The following COL12A1 variants were observed in gnomAD, a reference collection of about 807,000 sequenced individuals.
COL12A1 encodes the protein collagen alpha-1(XII) chain.
A neutral mutation model predicts 349.7 loss-of-function variants in COL12A1; 114 were observed. That is an observed-to-expected ratio of 0.33 (90% CI 0.28 to 0.38). The LOEUF (loss-of-function observed/expected upper bound fraction) is 0.38. Among genes scored for constraint, COL12A1 ranks in the 10% least tolerant of loss-of-function variants. The pLI is 1.00. For missense variants in COL12A1, 3,284 were observed against 3,756.9 expected, an observed-to-expected ratio of 0.87 and a Z score of 3.29; for synonymous variants, 1,369 against 1,329.0, an observed-to-expected ratio of 1.03 and a Z score of -0.66.
At position 75,175,082 on chromosome 6, in the gene COL12A1, G is replaced by T; in HGVS notation, c.2666C>A (p.Ser889Tyr). 1 of 1,614,146 alleles carries T rather than the reference G, an allele frequency of 6.2e-7. No homozygotes were observed. Among genetic ancestry groups the T allele is most frequent in the Non-Finnish European group, 8.5e-7 (1 of 1,180,032 alleles). The change falls in exon 13 of 66, where the codon TCT (serine) becomes TAT (tyrosine). Residue 889 changes from serine (S) to tyrosine (Y), a missense_variant. Transcript: ENST00000322507. ...ACCAAAGAGGGCGTCTCCAGCCCCA[G>T]ACGCATACAAGGCTGTCACAGATAA... ...YALSVTALYASGAGDALFGEG... is the reference protein window; with the variant it reads ...YALSVTALYAYGAGDALFGEG...
chr6:75,154,239 C>A (rs2149420639), intron 17 of COL12A1, among the ~76,000 whole-genome samples, 177 bp downstream of exon 17: 1 of 151,820 alleles, frequency 6.6e-6, no homozygotes, highest in African/African-American at 2.4e-5. Context: ...AAAATACTGT[C>A]AAAAAGCATG....
At chr6:75,134,698 A>G in intron 32 of COL12A1, 28 bp downstream of exon 32, 1 of 1,549,608 alleles carries the variant, frequency 6.5e-7, no homozygotes, top group South Asian at 1.3e-5. Context: ...GCTATTAAAG[A>G]AGCTATAGGA....
At chr6:75,174,781 T>A (rs774159369) in intron 13 of COL12A1, among the ~76,000 whole-genome samples, 1 of 152,202 alleles carries the variant, frequency 6.6e-6, no homozygotes, top group Non-Finnish European at 1.5e-5. Flanking sequence ...CCCATGGAAC[T>A]ATAAACACAT....
rs534714811 is a variant in COL12A1, at chr6:75,170,892, G to A, written c.2710+4146C>T. Among the ~76,000 whole-genome samples, 5 of 152,260 alleles carry A rather than the reference G, an allele frequency of 3.3e-5. No individual in the cohort carries two copies. The South Asian group carries it at 1.0e-3, about 32-fold the overall frequency. ...TGAATACACTTGGTTTGATCTGTAG[G>A]AAGCCATTCATATCCAGGACATTAG... On this transcript the variant is annotated intron_variant, in intron 13 of 65. Transcript: ENST00000322507.
intron 46 of COL12A1, 186 bp from the exon 47 acceptor site, chr6:75,117,732 C>G: frequency 1.9e-6 from 1 of 536,306 alleles, no homozygotes; most frequent in South Asian, 3.2e-5. Context: ...ATTTTCTGGT[C>G]TAAAGAATTC....
In COL12A1 at chr6:75,189,287, T is replaced by C; in HGVS notation, c.753A>G (p.Gly251=). The C allele has an allele frequency of 6.2e-7, 1 of 1,613,194 alleles. No homozygotes were observed. The highest frequency in any genetic ancestry group is 8.5e-7 in the Non-Finnish European group (1 of 1,179,464). The change falls in exon 7 of 66, where the codon GGA becomes GGG. Residue 251 remains glycine, a synonymous_variant. Coordinates refer to ENST00000322507, the MANE Select transcript of COL12A1 (RefSeq NM_004370.6). ...GAATTTCCACTTCATCCTGGGATTT[T>C]CCATCCGTAATAATAATTGCCACTT... The part of the protein sequence containing the change: ...FPKVAIIITD[G]KSQDEVEIPA...
intron 37 of COL12A1, among the ~76,000 whole-genome samples, 157 bp from the exon 38 acceptor site, chr6:75,128,582 T>G (rs1766137269): frequency 3.3e-5 from 5 of 152,192 alleles, no homozygotes. Context: ...CTATCTTCAC[T>G]TCTTCTCTGC....
At chr6:75,136,748 G>T (rs867116255) in intron 31 of COL12A1, among the ~76,000 whole-genome samples, 1 of 152,140 alleles carries the variant, frequency 6.6e-6, no homozygotes, top group Non-Finnish European at 1.5e-5. Context: ...AATACATGCA[G>T]TTCTAATTAC....
rs150204051 is a variant in COL12A1, at chr6:75,180,727, C to T, written c.2164+212G>A. ...AACAGTTCTCTAGGTCTCCTAACTT[C>T]AAATTCATCAAAAGAAGTCTAAGGT... On this transcript the variant is annotated intron_variant, in intron 11 of 65. Transcript: ENST00000322507. Among the ~76,000 whole-genome samples the T allele has an allele frequency of 0.013, 1,944 of 152,080 alleles. 39 individuals are homozygous for T. Among genetic ancestry groups the T allele is most frequent in the African/African-American group, 0.045 (1,856 of 41,450 alleles).
At chr6:75,157,885 G>A (rs1767838771) in intron 14 of COL12A1, among the ~76,000 whole-genome samples, 2 of 152,130 alleles carry the variant, frequency 1.3e-5, no homozygotes, top group South Asian at 4.1e-4. Context: ...CAACTGTAGG[G>A]AGATCATGTA....
chr6:75,169,036 A>G (rs1447033825), intron 13 of COL12A1, among the ~76,000 whole-genome samples: 1 of 152,184 alleles, frequency 6.6e-6, no homozygotes, highest in Non-Finnish European at 1.5e-5. Context: ...CCATGGACAC[A>G]TGTGGGATGT....
At position 75,113,720 on chromosome 6, in the gene COL12A1, A is replaced by T; in HGVS notation, c.7722T>A (p.Pro2574=). Residue 2574 remains proline, a synonymous_variant, in exon 50 of 66, where the codon CCT becomes CCA. Transcript: ENST00000322507. The part of the protein sequence containing the change: ...PTADLHPNGL[P]PSYTIILLFR... ...ATAATAATATAATCGTGTATGAAGGAGGGAGTCCATTTGGGTGTAGGTCTC... is the reference window on the plus strand; with the variant it reads ...ATAATAATATAATCGTGTATGAAGGTGGGAGTCCATTTGGGTGTAGGTCTC... 1 of 1,597,468 alleles carries T rather than the reference A, an allele frequency of 6.3e-7. No homozygotes were observed. Among genetic ancestry groups the T allele is most frequent in the Non-Finnish European group, 8.6e-7 (1 of 1,169,162 alleles).
intron 14 of COL12A1, among the ~76,000 whole-genome samples, chr6:75,158,529 G>A (rs1031615795): frequency 2.0e-5 from 3 of 151,942 alleles, no homozygotes; most frequent in Non-Finnish European, 4.4e-5. Context: ...TCCAAACTAA[G>A]ACAACACATA....
chr6:75,148,210 A>G, intron 22 of COL12A1, 148 bp downstream of exon 22: 1 of 655,336 alleles, frequency 1.5e-6, no homozygotes, highest in African/African-American at 1.9e-5. Context: ...CTGCCTAGCA[A>G]AGTCAAGAAT....
rs778647737 is a variant in COL12A1 at position 75,101,982 on chromosome 6, C to A, written c.8469+17G>T. ...TTTCAAATAGCACATGACAGGGCAA[C>A]TTAGAGACCAACTCACTGTTCGGCC... On this transcript the variant is annotated intron_variant, in intron 57 of 65. Transcript: ENST00000322507. The A allele has an allele frequency of 2.5e-6, 4 of 1,613,790 alleles. No homozygotes were observed. Among genetic ancestry groups the A allele is most frequent in the Non-Finnish European group, 3.4e-6 (4 of 1,179,894 alleles).
chr6:75,139,180 T>C (rs1287567352), intron 27 of COL12A1, among the ~76,000 whole-genome samples: 1 of 152,230 alleles, frequency 6.6e-6, no homozygotes, highest in Admixed American at 6.5e-5. Context: ...AAATGATTAT[T>C]TTTTTAAGAT....
Position 75,202,685 on chromosome 6 carries a change from ATT to A in COL12A1, c.73+33_73+34del, listed in dbSNP as rs1372501370. 5 of 1,540,934 alleles carry A rather than the reference ATT, an allele frequency of 3.2e-6. No homozygotes were observed. The Admixed American group carries it at 9.9e-5, about 31-fold the overall frequency. On this transcript the variant is annotated intron_variant, in intron 2 of 65. Transcript: ENST00000322507. ...TGTTTTTTCCTTTCTCGAATTTTGC[ATT>A]GTCACTCGGTGAAGGGGAAGGGAGC... is the stretch of plus-strand genomic sequence containing the variant.
At chr6:75,144,333 C>A (rs1041599826) in intron 25 of COL12A1, among the ~76,000 whole-genome samples, 2 of 152,188 alleles carry the variant, frequency 1.3e-5, no homozygotes, top group Admixed American at 1.3e-4. Flanking sequence ...CAGACAAGAT[C>A]TAACATATAA....
At chr6:75,106,906 T>C (rs1228057304) in intron 52 of COL12A1, among the ~76,000 whole-genome samples, 4 of 142,980 alleles carry the variant, frequency 2.8e-5, no homozygotes, top group African/African-American at 1.0e-4. Flanking sequence ...TTTCTTTTTT[T>C]TTTTTTTTTT....
Sources: gnomAD v4.1 joint callset for allele counts (sites outside exome capture counted in the v4.1 genomes callset) on GRCh38, gnomAD v4.1.1 for gene constraint, MANE v1.5 for transcripts, NCBI Gene and HGNC (gene_info 2026-07-23, HGNC 2026-07-21) for gene names.